LCLAT1: variants seen among roughly 807,000 people sequenced by gnomAD.
LCLAT1 encodes the protein 1-AGP acyltransferase 8.
Under a neutral mutation model 30.7 loss-of-function variants are expected in LCLAT1, and 11 were observed. The ratio of observed to expected loss-of-function variants is 0.36; its 90% CI spans 0.23 to 0.59. The LOEUF (loss-of-function observed/expected upper bound fraction) is 0.59. Ranked by LOEUF, LCLAT1 falls within the 20% of genes least tolerant of loss-of-function variation. The probability of loss-of-function intolerance (pLI) is 0.77; values close to 1 mark genes in which losing one functional copy is unlikely to be tolerated. For synonymous variants in LCLAT1, 155 were observed against 151.3 expected (o/e 1.02, Z -0.18); for missense variants, 402 against 458.6 (o/e 0.88, Z 1.13).
intron 5 of LCLAT1, among the ~76,000 whole-genome samples, chr2:30,592,776 CACTT>C (rs1666753883): frequency 6.6e-6 from 1 of 152,152 alleles, no homozygotes; most frequent in African/African-American, 2.4e-5. Context: ...CTGCTACTAA[CACTT>C]ATTTTAAAAA....
At chr2:30,498,673 A>T (rs1026137628) in intron 1 of LCLAT1, among the ~76,000 whole-genome samples, 1 of 152,256 alleles carries the variant, frequency 6.6e-6, no homozygotes, top group South Asian at 2.1e-4. Flanking sequence ...GCATGTTTGA[A>T]TGTTTCTGAG....
chr2:30,461,720 T>G (rs1682137358), intron 1 of LCLAT1, among the ~76,000 whole-genome samples: 1 of 151,980 alleles, frequency 6.6e-6, no homozygotes, highest in Non-Finnish European at 1.5e-5. Context: ...CTGTAGACAT[T>G]ATTACCCTCC....
At chr2:30,473,697 C>T (rs1478463087) in intron 1 of LCLAT1, among the ~76,000 whole-genome samples, 2 of 152,082 alleles carry the variant, frequency 1.3e-5, no homozygotes, top group Non-Finnish European at 2.9e-5. Flanking sequence ...TTGGATTGAC[C>T]ATTTTCCTCA....
intron 5 of LCLAT1, among the ~76,000 whole-genome samples, chr2:30,598,927 AGTT>A (rs1346883920): frequency 6.6e-6 from 1 of 151,300 alleles, no homozygotes; most frequent in African/African-American, 2.4e-5. Flanking sequence ...TTCAGGAGCA[AGTT>A]GTTCAATTTC....
At chr2:30,545,884 G>A (rs151172290) in intron 3 of LCLAT1, among the ~76,000 whole-genome samples, 43 of 152,240 alleles carry the variant, frequency 2.8e-4, no homozygotes, top group Middle Eastern at 3.4e-3. Flanking sequence ...AAAAGAGTTT[G>A]AGCCTTTTAG....
rs1399275552 is a variant in LCLAT1, at chr2:30,537,538, A to ACG, written c.364+4225_364+4226insGC. 1.3e-4 allele frequency among the ~76,000 whole-genome samples: 20 copies of ACG among 151,996 alleles called. 1 individual carries two copies. The highest frequency in any genetic ancestry group is 1.0e-3 in the Admixed American group (16 of 15,256). ...ATTGTAAATACACACACACACACAC[A>ACG]CACACACGCACGCACACCAAACACC... is the stretch of plus-strand genomic sequence containing the variant. On this transcript the variant is annotated intron_variant, in intron 3 of 5. Transcript: ENST00000379509.
chr2:30,531,136 G>C (rs1396826450), intron 2 of LCLAT1, among the ~76,000 whole-genome samples: 1 of 152,062 alleles, frequency 6.6e-6, no homozygotes. Context: ...GTGGTGGCGG[G>C]CACCTGTAAT....
chr2:30,612,332 G>C (rs975624236), intron 5 of LCLAT1, among the ~76,000 whole-genome samples: 1 of 152,118 alleles, frequency 6.6e-6, no homozygotes, highest in Non-Finnish European at 1.5e-5. Context: ...TGAAGGGAGA[G>C]GGAGAGAGGA....
At chr2:30,549,594 C>T (rs1367448526) in intron 3 of LCLAT1, among the ~76,000 whole-genome samples, 2 of 152,126 alleles carry the variant, frequency 1.3e-5, no homozygotes, top group Non-Finnish European at 1.5e-5. Context: ...TTTGAAATGG[C>T]ACTTTGCAAT....
chr2:30,580,199 C>T (rs1188795357), intron 5 of LCLAT1, among the ~76,000 whole-genome samples: 1 of 152,090 alleles, frequency 6.6e-6, no homozygotes, highest in African/African-American at 2.4e-5. Flanking sequence ...ACAAATAAAT[C>T]TTGTCTTTTC....
chr2:30,509,949 G>A (rs1314178797), intron 1 of LCLAT1, among the ~76,000 whole-genome samples: 2 of 152,182 alleles, frequency 1.3e-5, no homozygotes, highest in African/African-American at 4.8e-5. Flanking sequence ...AATTTTATTA[G>A]CACATGGTCA....
At chr2:30,533,796 G>A (rs7557310) in intron 3 of LCLAT1, among the ~76,000 whole-genome samples, 7,493 of 151,984 alleles carry the variant, frequency 0.049, 600 homozygotes, top group African/African-American at 0.17. Context: ...TGTTTTTATC[G>A]CGCTTGTATA....
At chr2:30,449,861 A>G (rs1045692934) in intron 1 of LCLAT1, among the ~76,000 whole-genome samples, 1 of 152,160 alleles carries the variant, frequency 6.6e-6, no homozygotes, top group Non-Finnish European at 1.5e-5. Context: ...TTTTTATTAC[A>G]TTTTTTAAAA....
intron 1 of LCLAT1, among the ~76,000 whole-genome samples, chr2:30,455,909 CAAAAAAA>C (rs3060184): frequency 6.6e-5 from 4 of 61,000 alleles, no homozygotes; most frequent in Non-Finnish European, 8.7e-5. Flanking sequence ...GACCCTATAT[CAAAAAAA>C]AAAAAAAAAA....
At chr2:30,561,337 C>T (rs1558520764) in intron 3 of LCLAT1, among the ~76,000 whole-genome samples, 1 of 152,108 alleles carries the variant, frequency 6.6e-6, no homozygotes, top group African/African-American at 2.4e-5. Flanking sequence ...CTCTGTGGTC[C>T]TAGGTGAAAT....
intron 5 of LCLAT1, among the ~76,000 whole-genome samples, chr2:30,583,754 T>C (rs1222806590): frequency 1.3e-5 from 2 of 152,162 alleles, no homozygotes; most frequent in Non-Finnish European, 2.9e-5. Flanking sequence ...TTTCTACCCA[T>C]TGGATTTTTC....
At chr2:30,534,123 A>G (rs1234294124) in intron 3 of LCLAT1, among the ~76,000 whole-genome samples, 4 of 152,112 alleles carry the variant, frequency 2.6e-5, no homozygotes, top group Non-Finnish European at 4.4e-5. Flanking sequence ...CTCTATTAGT[A>G]TACTGACGTG....
intron 1 of LCLAT1, among the ~76,000 whole-genome samples, chr2:30,504,847 A>G (rs970778049): frequency 1.5e-4 from 23 of 152,198 alleles, no homozygotes; most frequent in South Asian, 8.3e-4. Context: ...CGCATGTGTC[A>G]TTGGCAGGTA....
At chr2:30,509,027 G>T (rs1684811418) in intron 1 of LCLAT1, among the ~76,000 whole-genome samples, 5 of 152,028 alleles carry the variant, frequency 3.3e-5, no homozygotes, top group Admixed American at 3.3e-4. Context: ...TCTTTTTGTG[G>T]CAATTGTGAA....
Sources: gnomAD v4.1 joint callset for allele counts (sites outside exome capture counted in the v4.1 genomes callset) on GRCh38, gnomAD v4.1.1 for gene constraint, MANE v1.5 for transcripts, NCBI Gene and HGNC (gene_info 2026-07-23, HGNC 2026-07-21) for gene names.